Variants in MBP observed in about 807,000 individuals in gnomAD.
MBP encodes the protein myelin basic protein.
Under a neutral mutation model 35.8 loss-of-function variants are expected in MBP, and 16 were observed. That is an observed-to-expected ratio of 0.45 (90% confidence interval 0.30 to 0.68). The LOEUF (loss-of-function observed/expected upper bound fraction) is 0.68, where lower values mean the gene tolerates loss of function less well. Ranked by LOEUF, MBP falls within the 30% of genes least tolerant of loss-of-function variation. MBP has a pLI of 0.08. For missense variants in MBP, 380 were observed against 404.7 expected, an observed-to-expected ratio of 0.94 and a Z score of 0.52; for synonymous variants, 143 against 159.6, an observed-to-expected ratio of 0.90 and a Z score of 0.78.
rs1213320001 is a variant in MBP at position 76,980,122 on chromosome 18, G to A, written c.*305C>T. Reference sequence around the variant, plus strand: ...CCAAGGGTGGAGGGGTGAACGTGGAGGGACGTCTGTGCACCTGGCCCCCTG... The same window carrying A: ...CCAAGGGTGGAGGGGTGAACGTGGAAGGACGTCTGTGCACCTGGCCCCCTG... On this transcript the variant is annotated 3_prime_UTR_variant, in exon 9 of 9. Coordinates refer to ENST00000355994, the MANE Select transcript of MBP (RefSeq NM_001025101.2). 3.0e-6 allele frequency: 2 copies of A among 676,174 alleles called. No individual in the cohort carries two copies. The highest frequency in any genetic ancestry group is 2.2e-5 in the Admixed American group (1 of 45,254). The allele number at this position is 676,174 out of a possible 1,614,324, so 41.9% of individuals were successfully genotyped here.
chr18:77,081,895 A>G lies in MBP; in HGVS notation c.52-15510T>C, dbSNP rs554951995. ...GAGACGGAGTCTCGCTCTGTCGCAC[A>G]GGCTGGAGTGCAGTGGCATGATCTT... is the stretch of plus-strand genomic sequence containing the variant. On this transcript the variant is annotated intron_variant, in intron 2 of 8. Transcript: ENST00000355994. 4.1e-5 allele frequency among the ~76,000 whole-genome samples: 4 copies of G among 97,888 alleles called. No individual in the cohort carries two copies. The Admixed American group carries it at 4.4e-4, about 11-fold the overall frequency. The allele number at this position is 97,888 out of a possible 152,430, so 64.2% of individuals were successfully genotyped here.
At chr18:77,081,819 T>TACACACACACACATATATATACAC (rs1555726063) in intron 2 of MBP, among the ~76,000 whole-genome samples, 1 of 76,264 alleles carries the variant, frequency 1.3e-5, no homozygotes, top group South Asian at 6.2e-4. Flanking sequence ...CACACATATA[T>TACACACACACACATATATATACAC]ACACACACAC....
At chr18:77,069,638 C>T (rs1298089152) in intron 2 of MBP, among the ~76,000 whole-genome samples, 1 of 152,204 alleles carries the variant, frequency 6.6e-6, no homozygotes. Context: ...CTTTAAATCA[C>T]AGCACTTTGC....
chr18:76,979,775 T>G lies in MBP; in HGVS notation c.*652A>C, dbSNP rs369937501. 8.5e-6 allele frequency: 5 copies of G among 591,434 alleles called. No homozygotes were observed. The highest frequency in any genetic ancestry group is 1.9e-5 in the African/African-American group (1 of 53,354). The allele number at this position is 591,434 out of a possible 1,614,324, so 36.6% of individuals were successfully genotyped here. ...TCTGCCACACGCGAATTCAGCTAAT[T>G]GGGGTGTGTGGGCAGCCACGGCCTG... On this transcript the variant is annotated 3_prime_UTR_variant, in exon 9 of 9. Transcript: ENST00000355994.
chr18:77,056,086 G>T (rs879230339), intron 3 of MBP, among the ~76,000 whole-genome samples: 4 of 152,366 alleles, frequency 2.6e-5, no homozygotes, highest in Admixed American at 2.0e-4. Flanking sequence ...TTGTGCCAGC[G>T]CATGGCAGTG....
At chr18:77,100,070 C>G (rs1975937576) in intron 2 of MBP, among the ~76,000 whole-genome samples, 1 of 152,236 alleles carries the variant, frequency 6.6e-6, no homozygotes. Flanking sequence ...CCTCCTGAAT[C>G]TATACGTGGA....
At chr18:77,014,087 CT>C in intron 4 of MBP, 1 of 985,482 alleles carries the variant, frequency 1.0e-6, no homozygotes, top group Non-Finnish European at 1.2e-6. Flanking sequence ...AACAACAGTC[CT>C]TTCTTTCCTC....
chr18:76,983,193 G>GGAGTAAT (rs1207723527), intron 8 of MBP: 5 of 152,244 alleles, frequency 3.3e-5, no homozygotes, highest in Admixed American at 1.3e-4. Flanking sequence ...CTCCCGGTGT[G>GGAGTAAT]TCTAACAGTC....
intron 2 of MBP, among the ~76,000 whole-genome samples, chr18:77,099,881 G>A (rs1453087701): frequency 6.6e-6 from 1 of 152,242 alleles, no homozygotes; most frequent in African/African-American, 2.4e-5. Flanking sequence ...GGGAAACCAG[G>A]TCTGCTGTCT....
rs1002604913 is a variant in MBP at position 77,017,141 on chromosome 18, G to C, written c.267C>G (p.Pro89=). The part of the protein sequence containing the change: ...DAHPADPGSR[P]HLIRLFSRDA... ...CTCGGGAAAAGAGGCGGATCAAGTG[G>C]GGGCGGCTCCCTGGGTCAGCTGGGT... Residue 89 remains proline, a synonymous_variant, in exon 4 of 9, where the codon CCC becomes CCG. Coordinates refer to ENST00000355994, the MANE Select transcript of MBP (RefSeq NM_001025101.2). 1.3e-6 allele frequency: 2 copies of C among 1,570,892 alleles called. No individual in the cohort carries two copies. Among genetic ancestry groups the C allele is most frequent in the Non-Finnish European group, 8.6e-7 (1 of 1,156,226 alleles).
At chr18:76,996,579 G>A (rs1022145154) in intron 4 of MBP, among the ~76,000 whole-genome samples, 2 of 152,174 alleles carry the variant, frequency 1.3e-5, no homozygotes, top group Non-Finnish European at 2.9e-5. Context: ...ACAGCTTAGA[G>A]GCCTCTCCAA....
intron 1 of MBP, 70 bp from the exon 2 acceptor site, chr18:77,105,356 C>T: frequency 1.0e-6 from 1 of 986,928 alleles, no homozygotes; most frequent in Non-Finnish European, 1.6e-6. Context: ...GTTTTTCCAT[C>T]AGAAAGACAA....
rs919381192 is a variant in MBP at position 77,102,230 on chromosome 18, C to A, written c.51+2981G>T. Among the ~76,000 whole-genome samples, 2 of 152,110 alleles carry A rather than the reference C, an allele frequency of 1.3e-5. No individual in the cohort carries two copies. Among genetic ancestry groups the A allele is most frequent in the Non-Finnish European group, 2.9e-5 (2 of 67,992 alleles). ...GCAGTGTGTGGGGTAGACCGGGCAG[C>A]CCCCACCGCAGCTGCCCTCCCTGCT... is the stretch of plus-strand genomic sequence containing the variant. On this transcript the variant is annotated intron_variant, in intron 2 of 8. Transcript: ENST00000355994. This position sits in a 1 kb window ranked among gnomAD's most constrained non-coding sequence, Gnocchi z 4.4.
At chr18:77,052,453 T>C (rs1973528154) in intron 3 of MBP, among the ~76,000 whole-genome samples, 1 of 152,164 alleles carries the variant, frequency 6.6e-6, no homozygotes, top group Non-Finnish European at 1.5e-5. Context: ...TCCCAGCTGC[T>C]ATTTGTGCCA....
chr18:77,125,377 C>T (rs529308893), intron 1 of MBP, among the ~76,000 whole-genome samples: 1 of 152,176 alleles, frequency 6.6e-6, no homozygotes, highest in African/African-American at 2.4e-5. Context: ...ACTGGCTTAT[C>T]CTTTTCATCA....
At chr18:77,106,863 C>G (rs368823483) in intron 1 of MBP, among the ~76,000 whole-genome samples, 2 of 152,060 alleles carry the variant, frequency 1.3e-5, no homozygotes, top group African/African-American at 4.8e-5. Flanking sequence ...ATTGGACAAC[C>G]AAAAAAACCT....
At position 77,101,826 on chromosome 18, in the gene MBP, C is replaced by T. The variant is rs564233645; in HGVS notation, c.51+3385G>A. ...ACTGGAAGCTCCTGCAGGCAACAGA[C>T]GAGGCCTCCCCACCACCTCCCCAGC... On this transcript the variant is annotated intron_variant, in intron 2 of 8. Coordinates refer to ENST00000355994, the MANE Select transcript of MBP (RefSeq NM_001025101.2). This position sits in a 1 kb window ranked among gnomAD's most constrained non-coding sequence, Gnocchi z 4.3. 1.4e-4 allele frequency among the ~76,000 whole-genome samples: 22 copies of T among 152,278 alleles called. 1 individual carries two copies. In the East Asian group the frequency reaches 3.5e-3, roughly 24 times the overall value.
chr18:76,998,969 GGGGGGTTTAAGAGCAGTGTTTT>G (rs568746678), intron 4 of MBP, among the ~76,000 whole-genome samples: 6,963 of 150,136 alleles, frequency 0.046, 200 homozygotes, highest in Middle Eastern at 0.082. Flanking sequence ...GCAGTGTTTT[GGGGGGTTTAAGAGCAGTGTTTT>G]GGGGGTTTAA....
chr18:77,075,825 C>T (rs1974627852), intron 2 of MBP, among the ~76,000 whole-genome samples: 1 of 152,078 alleles, frequency 6.6e-6, no homozygotes, highest in East Asian at 1.9e-4. Flanking sequence ...AGAGATTAGG[C>T]TAAGAGTGGA....
Sources: gnomAD v4.1 joint callset for allele counts (sites outside exome capture counted in the v4.1 genomes callset) on GRCh38, gnomAD v4.1.1 for gene constraint, Gnocchi (gnomAD v3.1) non-coding constraint, MANE v1.5 for transcripts, NCBI Gene and HGNC (gene_info 2026-07-23, HGNC 2026-07-21) for gene names.